The following TEX15 variants were observed in gnomAD, a reference collection of about 807,000 sequenced individuals.
TEX15 encodes the protein testis-expressed protein 15.
TEX15 carries 171 observed loss-of-function variants against 237.3 expected under a neutral mutation model. The ratio of observed to expected loss-of-function variants is 0.72; its 90% CI spans 0.64 to 0.82. TEX15 has a LOEUF of 0.82. Among genes scored for constraint, TEX15 ranks in the 40% least tolerant of loss-of-function variants. The pLI, the probability that TEX15 is intolerant of heterozygous loss-of-function variation, is 0.00. For missense variants in TEX15, 3,750 were observed against 3,646.5 expected (o/e 1.03, Z -0.73); for synonymous variants, 1,338 against 1,269.8 (o/e 1.05, Z -1.14).
intron 7 of TEX15, among the ~76,000 whole-genome samples, chr8:30,853,392 C>T (rs1325619869): frequency 6.6e-6 from 1 of 151,944 alleles, no homozygotes; most frequent in Non-Finnish European, 1.5e-5. Context: ...TACAATTGGC[C>T]CTATGTATTG....
intron 2 of TEX15, chr8:30,887,888 T>C (rs1409635318): frequency 1.2e-5 from 1 of 81,470 alleles, no homozygotes; most frequent in Non-Finnish European, 2.6e-5. Context: ...CATATATATT[T>C]CATATATATA....
At chr8:30,868,357 C>G (rs1808219870) in intron 4 of TEX15, among the ~76,000 whole-genome samples, 1 of 151,890 alleles carries the variant, frequency 6.6e-6, no homozygotes, top group Admixed American at 6.6e-5. Flanking sequence ...ATTGCCACAT[C>G]AGGTGGTACA....
At position 30,844,830 on chromosome 8, in the gene TEX15, A is replaced by T. The variant is rs1374679298; in HGVS notation, c.5337T>A (p.His1779Gln). The T allele has an allele frequency of 1.2e-6, 2 of 1,613,358 alleles. No individual in the cohort carries two copies. Among genetic ancestry groups the T allele is most frequent in the African/African-American group, 2.7e-5 (2 of 74,878 alleles). Reference sequence around the variant, plus strand: ...TGACATTTGTTTCATTCCCATCTGTATGGAGGCAATTACCTGAAGAGCACT... The same window carrying T: ...TGACATTTGTTTCATTCCCATCTGTTTGGAGGCAATTACCTGAAGAGCACT... Reference protein sequence around the residue: ...TEQCSSGNCLHTDGNETNVTE... With the variant: ...TEQCSSGNCLQTDGNETNVTE... Residue 1779 changes from histidine to glutamine, a missense_variant, in exon 8 of 11, where the codon CAT becomes CAA. His to Gln is a conservative substitution (Grantham distance 24). Coordinates refer to ENST00000643185, the MANE Select transcript of TEX15 (RefSeq NM_001350162.2).
intron 7 of TEX15, among the ~76,000 whole-genome samples, chr8:30,852,750 C>A (rs183285782): frequency 1.3e-5 from 2 of 152,172 alleles, no homozygotes; most frequent in African/African-American, 2.4e-5. Context: ...AATCCAACAT[C>A]TTCAATGCAA....
At chr8:30,886,327 C>A (rs143175781) in intron 3 of TEX15, among the ~76,000 whole-genome samples, 87 of 152,250 alleles carry the variant, frequency 5.7e-4, no homozygotes, top group African/African-American at 2.1e-3. Flanking sequence ...TGGGGAGTAT[C>A]CCTGTTACCA....
intron 2 of TEX15, among the ~76,000 whole-genome samples, chr8:30,892,861 G>A (rs1236465904): frequency 2.6e-5 from 4 of 151,934 alleles, no homozygotes; most frequent in East Asian, 1.9e-4. Context: ...GTAAAACCCC[G>A]TCTCTACTAA....
rs1356062472 is a variant in TEX15 at position 30,844,205 on chromosome 8, G to A, written c.5962C>T (p.His1988Tyr). Residue 1988 changes from histidine (H) to tyrosine (Y), a missense_variant, in exon 8 of 11, where the codon CAT becomes TAT. Transcript: ENST00000643185. ...ASYVSDFKEK[H>Y]CSANHTALIA... Reference sequence around the variant, plus strand: ...AGGGCCGTATGATTAGCTGAGCAATGTTTTTCTTTAAAATCACTCACGTAT... The same window carrying A: ...AGGGCCGTATGATTAGCTGAGCAATATTTTTCTTTAAAATCACTCACGTAT... 1 of 1,611,558 alleles carries A rather than the reference G, an allele frequency of 6.2e-7. No individual in the cohort carries two copies. Among genetic ancestry groups the A allele is most frequent in the South Asian group, 1.1e-5 (1 of 90,498 alleles).
chr8:30,843,481 T>A lies in TEX15; in HGVS notation c.6686A>T (p.His2229Leu). 6.2e-7 allele frequency: 1 copy of A among 1,612,866 alleles called. No individual in the cohort carries two copies. The highest frequency in any genetic ancestry group is 8.5e-7 in the Non-Finnish European group (1 of 1,179,580). Residue 2229 changes from histidine (H) to leucine (L), a missense_variant, in exon 8 of 11, where the codon CAT (histidine) becomes CTT (leucine). By Grantham distance (99) the His-to-Leu change is moderately conservative. Transcript: ENST00000643185. ...ATGGTCCTGTTTTCCTGGATACGAA[T>A]GAACTTTAGGAGAGTCCCCACATAC... The part of the protein sequence containing the change: ...INVCGDSPKV[H>L]SYPGKQDHLW...
chr8:30,842,374 A>G lies in TEX15; in HGVS notation c.7793T>C (p.Val2598Ala). The G allele has an allele frequency of 6.2e-7, 1 of 1,613,836 alleles. No individual in the cohort carries two copies. The highest frequency in any genetic ancestry group is 1.7e-5 in the Admixed American group (1 of 59,998). The change falls in exon 8 of 11, where the codon GTA becomes GCA. Residue 2598 changes from valine to alanine, a missense_variant. Val to Ala is a moderately conservative substitution (Grantham distance 64, BLOSUM62 0). Coordinates refer to ENST00000643185, the MANE Select transcript of TEX15 (RefSeq NM_001350162.2). ...TAAATCTTTCCTAGGGGCAGACATT[A>G]CATTCTTCAGCAGTGTAGAAAATTG... ...YNQFSTLLKN[V>A]MSAPRKDLGK...
Position 30,837,045 on chromosome 8 carries a change from A to G in TEX15, c.9239T>C (p.Val3080Ala). 1 of 1,614,206 alleles carries G rather than the reference A, an allele frequency of 6.2e-7. No individual in the cohort carries two copies. The highest frequency in any genetic ancestry group is 8.5e-7 in the Non-Finnish European group (1 of 1,180,032). The change falls in exon 10 of 11, where the codon GTT becomes GCT. Residue 3080 changes from valine (V) to alanine (A), a missense_variant. Coordinates refer to ENST00000643185, the MANE Select transcript of TEX15 (RefSeq NM_001350162.2). ...ATGTGTGCCCTGGGCAGTACTTGCA[A>G]CTGTGGTCAACAGCCCAGAAGGAGA... ...QPSPSGLLTT[V>A]ASTAQGTHSN... is the part of the protein sequence containing the mutation.
intron 2 of TEX15, among the ~76,000 whole-genome samples, chr8:30,897,442 T>C (rs1370064951): frequency 6.6e-6 from 1 of 152,214 alleles, no homozygotes; most frequent in Non-Finnish European, 1.5e-5. Flanking sequence ...TCCAATTACT[T>C]AGAACATTTA....
At position 30,895,676 on chromosome 8, in the gene TEX15, C is replaced by CTTTTTTTTTTTTTTT. The variant is rs34002027; in HGVS notation, c.-10+3051_-10+3065dup. On this transcript the variant is annotated intron_variant, in intron 2 of 10. Transcript: ENST00000643185. ...CATGTCAACACCTTTTAAACACATGCTTTTTTTTTTTTTTTTTTTTTTTTG... is the reference window on the plus strand; with the variant it reads ...CATGTCAACACCTTTTAAACACATGCTTTTTTTTTTTTTTTTTTTTTTTTTTTTTTTTTTTTTTTG... Among the ~76,000 whole-genome samples, 46 of 60,048 alleles carry CTTTTTTTTTTTTTTT rather than the reference C, an allele frequency of 7.7e-4. 11 individuals carry two copies. Among genetic ancestry groups the CTTTTTTTTTTTTTTT allele is most frequent in the African/African-American group, 2.5e-3 (31 of 12,340 alleles). 39.4% of individuals were successfully genotyped at this position (60,048 alleles called of 152,430 possible). A position where few individuals can be genotyped will look rare whatever the true frequency, so the allele number is the denominator to read the frequency against.
intron 5 of TEX15, among the ~76,000 whole-genome samples, chr8:30,866,978 A>G (rs922392321): frequency 1.1e-4 from 16 of 152,126 alleles, no homozygotes; most frequent in Non-Finnish European, 1.8e-4. Flanking sequence ...TAGAAACAAA[A>G]AGAGTAAAAG....
At chr8:30,901,886 C>G (rs1270398166) in intron 1 of TEX15, among the ~76,000 whole-genome samples, 1 of 152,180 alleles carries the variant, frequency 6.6e-6, no homozygotes. Flanking sequence ...ATGTCCTATA[C>G]TTCCTAATTA....
chr8:30,852,816 T>C (rs553885404), intron 7 of TEX15, among the ~76,000 whole-genome samples: 54 of 152,330 alleles, frequency 3.5e-4, no homozygotes, highest in Middle Eastern at 6.8e-3. Context: ...CAAATAGTTA[T>C]TAGTACCATA....
At position 30,848,227 on chromosome 8, in the gene TEX15, A is replaced by G. The variant is rs1178992108; in HGVS notation, c.1940T>C (p.Phe647Ser). ...TGGACTGATTTTTGTTTCATTAGTGAAATCATTATCAATTTCTTTCCATGA... is the reference window on the plus strand; with the variant it reads ...TGGACTGATTTTTGTTTCATTAGTGGAATCATTATCAATTTCTTTCCATGA... ...QTSWKEIDND[F>S]TNETKISPID... The change falls in exon 8 of 11, where the codon TTC (phenylalanine) becomes TCC (serine). Residue 647 changes from phenylalanine to serine, a missense_variant. Coordinates refer to ENST00000643185, the MANE Select transcript of TEX15 (RefSeq NM_001350162.2). 1 of 1,612,582 alleles carries G rather than the reference A, an allele frequency of 6.2e-7. No individual in the cohort carries two copies. Among genetic ancestry groups the G allele is most frequent in the African/African-American group, 1.3e-5 (1 of 74,958 alleles).
chr8:30,838,618 A>C (rs565859024), intron 9 of TEX15, among the ~76,000 whole-genome samples: 236 of 151,402 alleles, frequency 1.6e-3, no homozygotes, highest in African/African-American at 5.3e-3. Flanking sequence ...AGACAGTCTC[A>C]AGCAGCTGAG....
At chr8:30,873,586 CG>C (rs1808339932) in intron 4 of TEX15, among the ~76,000 whole-genome samples, 1 of 151,990 alleles carries the variant, frequency 6.6e-6, no homozygotes, top group South Asian at 2.1e-4. Flanking sequence ...GAAGTAAATC[CG>C]TATTTTAGAA....
chr8:30,848,287 A>C lies in TEX15; in HGVS notation c.1880T>G (p.Leu627Arg), dbSNP rs1450785689. 6.2e-7 allele frequency: 1 copy of C among 1,612,994 alleles called. No homozygotes were observed. Among genetic ancestry groups the C allele is most frequent in the South Asian group, 1.1e-5 (1 of 90,806 alleles). The change falls in exon 8 of 11, where the codon CTG (leucine) becomes CGG (arginine). Residue 627 changes from leucine to arginine, a missense_variant. Leu to Arg is a moderately radical substitution (Grantham distance 102). Coordinates refer to ENST00000643185, the MANE Select transcript of TEX15 (RefSeq NM_001350162.2). ...NTGKMKNFAD[L>R]EDSSKHEEKQ... is the part of the protein sequence containing the mutation. Reference sequence around the variant, plus strand: ...TTCTTCATGTTTGGAACTGTCTTCCAGGTCAGCGAAGTTTTTCATCTTTCC... The same window carrying C: ...TTCTTCATGTTTGGAACTGTCTTCCCGGTCAGCGAAGTTTTTCATCTTTCC...
Sources: gnomAD v4.1 joint callset for allele counts (sites outside exome capture counted in the v4.1 genomes callset) on GRCh38, gnomAD v4.1.1 for gene constraint, MANE v1.5 for transcripts, NCBI Gene and HGNC (gene_info 2026-07-23, HGNC 2026-07-21) for gene names.